Variants in CFAP299 observed in about 807,000 individuals in gnomAD.
CFAP299 encodes the protein cilia and flagella associated protein 299, also known as cilia- and flagella-associated protein 299.
In CFAP299, 21 loss-of-function variants were observed where a neutral mutation model predicts 27.0. The observed-to-expected ratio is 0.78, with a 90% confidence interval of 0.55 to 1.12. The LOEUF is 1.12. Among genes scored for constraint, CFAP299 ranks in the 50% most tolerant of loss-of-function variants. The probability of loss-of-function intolerance (pLI) is 0.00; values close to 1 mark genes in which losing one functional copy is unlikely to be tolerated. For synonymous variants in CFAP299, 104 were observed against 98.1 expected (o/e 1.06, Z -0.36); for missense variants, 310 against 276.6 (o/e 1.12, Z -0.86).
intron 3 of CFAP299, among the ~76,000 whole-genome samples, chr4:80,615,234 G>A (rs1337505340): frequency 1.3e-5 from 2 of 152,132 alleles, no homozygotes; most frequent in Non-Finnish European, 2.9e-5. Context: ...TGAGCTTAGG[G>A]AACTGCAAAC....
rs35096997 is a variant in CFAP299, at chr4:80,450,888, C to CGTGTGT, written c.242+88022_242+88027dup. 7.1e-3 allele frequency among the ~76,000 whole-genome samples: 1,033 copies of CGTGTGT among 145,684 alleles called. 8 individuals are homozygous for CGTGTGT. The highest frequency in any genetic ancestry group is 0.021 in the African/African-American group (827 of 39,820). ...AATTTAAAAAATAATGGATTAATAC[C>CGTGTGT]GTGTGTGTGTGTGTGTGTGTGTGAG... On this transcript the variant is annotated intron_variant, in intron 2 of 5. Transcript: ENST00000358105.
chr4:80,494,184 C>T (rs1731311245), intron 2 of CFAP299, among the ~76,000 whole-genome samples: 1 of 151,952 alleles, frequency 6.6e-6, no homozygotes, highest in Non-Finnish European at 1.5e-5. Flanking sequence ...CAAAAGAGAC[C>T]CTAGATTCCT....
intron 3 of CFAP299, among the ~76,000 whole-genome samples, chr4:80,644,304 T>A (rs988702494): frequency 2.0e-5 from 3 of 152,200 alleles, no homozygotes; most frequent in Non-Finnish European, 2.9e-5. Flanking sequence ...GGGTGGGTTA[T>A]GGAGGGATTA....
intron 2 of CFAP299, among the ~76,000 whole-genome samples, chr4:80,576,197 AATAT>A (rs1553935643): frequency 6.3e-3 from 204 of 32,452 alleles, no homozygotes; most frequent in East Asian, 0.018. Context: ...TAAAAAAAAA[AATAT>A]ATATATATAT....
At chr4:80,426,677 T>G (rs961994575) in intron 2 of CFAP299, among the ~76,000 whole-genome samples, 1 of 152,214 alleles carries the variant, frequency 6.6e-6, no homozygotes, top group East Asian at 1.9e-4. Flanking sequence ...GTGATTCTTA[T>G]GCTCAAACAA....
intron 3 of CFAP299, among the ~76,000 whole-genome samples, chr4:80,625,414 A>G (rs1738834298): frequency 2.0e-5 from 3 of 152,040 alleles, no homozygotes; most frequent in South Asian, 4.1e-4. Context: ...AATCAAAACA[A>G]CACTGAAGAA....
intron 2 of CFAP299, among the ~76,000 whole-genome samples, chr4:80,483,566 T>C (rs1166123109): frequency 6.6e-6 from 1 of 152,148 alleles, no homozygotes; most frequent in East Asian, 1.9e-4. Flanking sequence ...AAAATATAGG[T>C]TATAGCCAGA....
Position 80,583,100 on chromosome 4 carries a change from A to G in CFAP299, c.250A>G (p.Thr84Ala), listed in dbSNP as rs146316801. The G allele has an allele frequency of 3.7e-6, 6 of 1,600,500 alleles. No individual in the cohort carries two copies. The highest frequency in any genetic ancestry group is 1.3e-5 in the African/African-American group (1 of 74,522). Residue 84 changes from threonine to alanine, a missense_variant, in exon 3 of 6, where the codon ACA (threonine) becomes GCA (alanine). Transcript: ENST00000358105. Reference protein sequence around the residue: ...LAERAQQKTLTSAGKDLQDNF... With the variant: ...LAERAQQKTLASAGKDLQDNF... ...AAGATCTGCCTTTTACAGGACGCTA[A>G]CAAGTGCTGGTAAAGACCTACAAGA...
chr4:80,337,957 C>T (rs193297011), intron 1 of CFAP299, among the ~76,000 whole-genome samples: 96 of 152,210 alleles, frequency 6.3e-4, no homozygotes, highest in African/African-American at 2.2e-3. Context: ...TTCTCAAATA[C>T]TTTCTGTGGA....
At chr4:80,328,456 C>G in the CFAP299 span, among the ~76,000 whole-genome samples, 71 of 130,588 alleles carry the variant, frequency 5.4e-4, no homozygotes, top group South Asian at 2.3e-3. Flanking sequence ...TAACAAAGGA[C>G]AAGATTAATA....
intron 3 of CFAP299, among the ~76,000 whole-genome samples, chr4:80,585,871 T>C (rs1736410863): frequency 6.6e-6 from 1 of 152,142 alleles, no homozygotes; most frequent in Non-Finnish European, 1.5e-5. Context: ...TAAAGATAGA[T>C]TGAGTGATTA....
chr4:80,562,592 A>G (rs929060708), intron 2 of CFAP299, among the ~76,000 whole-genome samples: 2 of 151,352 alleles, frequency 1.3e-5, no homozygotes, highest in African/African-American at 4.8e-5. Flanking sequence ...TGGGAGGTGG[A>G]GATTGCAGTG....
chr4:80,384,944 A>G (rs566995901), intron 2 of CFAP299, among the ~76,000 whole-genome samples: 7 of 152,256 alleles, frequency 4.6e-5, no homozygotes, highest in Admixed American at 6.5e-5. Context: ...AAAATTATAT[A>G]TATTTGTATG....
chr4:80,493,568 G>A (rs1347710661), intron 2 of CFAP299, among the ~76,000 whole-genome samples: 3 of 151,946 alleles, frequency 2.0e-5, no homozygotes, highest in Admixed American at 1.3e-4. Flanking sequence ...GTAGGTAATC[G>A]AAAAAGGTTG....
intron 2 of CFAP299, chr4:80,386,507 G>C: frequency 7.0e-7 from 1 of 1,419,970 alleles, no homozygotes; most frequent in Admixed American, 2.4e-5. Flanking sequence ...TCTCGCGGGC[G>C]GTGGTGGGGG....
chr4:80,341,353 T>G (rs1265349266), intron 1 of CFAP299, among the ~76,000 whole-genome samples: 1 of 152,162 alleles, frequency 6.6e-6, no homozygotes, highest in Non-Finnish European at 1.5e-5. Context: ...ACTGCTTCTT[T>G]CAGTGGGCTC....
intron 2 of CFAP299, among the ~76,000 whole-genome samples, chr4:80,472,395 C>T (rs148930028): frequency 1.6e-3 from 245 of 152,228 alleles, no homozygotes; most frequent in African/African-American, 5.4e-3. Flanking sequence ...AAAACTTTGA[C>T]GCATAATTAA....
intron 2 of CFAP299, among the ~76,000 whole-genome samples, chr4:80,374,282 G>A (rs1365819547): frequency 2.6e-5 from 4 of 152,158 alleles, no homozygotes; most frequent in African/African-American, 4.8e-5. Context: ...CCTAGGTCTT[G>A]TAGTATATGT....
intron 3 of CFAP299, among the ~76,000 whole-genome samples, chr4:80,619,801 G>T (rs1460023347): frequency 6.6e-6 from 1 of 151,960 alleles, no homozygotes; most frequent in Admixed American, 6.6e-5. Flanking sequence ...ATAATATATT[G>T]TGTCTAATAA....
Sources: gnomAD v4.1 joint callset for allele counts (sites outside exome capture counted in the v4.1 genomes callset) on GRCh38, gnomAD v4.1.1 for gene constraint, MANE v1.5 for transcripts, NCBI Gene and HGNC (gene_info 2026-07-23, HGNC 2026-07-21) for gene names.